Variants in CLNS1A observed in about 807,000 individuals in gnomAD.
The protein encoded by CLNS1A is chloride nucleotide-sensitive channel 1A, also known as methylosome subunit pICln.
Under a neutral mutation model 29.4 loss-of-function variants are expected in CLNS1A, and 16 were observed. That is an observed-to-expected ratio of 0.54 (90% CI 0.37 to 0.83). The LOEUF (loss-of-function observed/expected upper bound fraction) is 0.83, where lower values mean the gene tolerates loss of function less well. Among genes scored for constraint, CLNS1A ranks in the 40% least tolerant of loss-of-function variants. CLNS1A has a pLI of 0.00. For synonymous variants in CLNS1A, 96 were observed against 104.8 expected (o/e 0.92, Z 0.51); for missense variants, 235 against 287.4 (o/e 0.82, Z 1.32).
rs1419319399 is a variant in CLNS1A, at chr11:77,622,201, G to C, written c.646+299C>G. Among the ~76,000 whole-genome samples, 2 of 152,102 alleles carry C rather than the reference G, an allele frequency of 1.3e-5. 1 individual carries two copies. Among genetic ancestry groups the C allele is most frequent in the Non-Finnish European group, 2.9e-5 (2 of 68,028 alleles). On this transcript the variant is annotated intron_variant, in intron 5 of 6. Coordinates refer to ENST00000525428, the MANE Select transcript of CLNS1A (RefSeq NM_001293.3). ...AGCAAACTAATACACAGATGCAACAGTAAATTAATAGTGGATATCTCTCAG... is the reference window on the plus strand; with the variant it reads ...AGCAAACTAATACACAGATGCAACACTAAATTAATAGTGGATATCTCTCAG...
chr11:77,621,811 T>C (rs1424251437), intron 5 of CLNS1A: 4 of 369,972 alleles, frequency 1.1e-5, no homozygotes, highest in African/African-American at 2.1e-5. Context: ...TTACCCTGCA[T>C]AGTGTGGTGG....
intron 1 of CLNS1A, among the ~76,000 whole-genome samples, chr11:77,635,712 T>C (rs1959118105): frequency 6.6e-6 from 1 of 152,186 alleles, no homozygotes; most frequent in African/African-American, 2.4e-5. Context: ...AAAGGAGTTA[T>C]AATACTGAAA....
intron 6 of CLNS1A, among the ~76,000 whole-genome samples, chr11:77,617,031 T>G (rs919153240): frequency 6.6e-6 from 1 of 152,224 alleles, no homozygotes; most frequent in African/African-American, 2.4e-5. Context: ...TAATTATTTA[T>G]TCCTTATTCA....
chr11:77,632,831 T>G (rs900110260), intron 1 of CLNS1A, among the ~76,000 whole-genome samples: 3 of 152,082 alleles, frequency 2.0e-5, no homozygotes, highest in African/African-American at 7.2e-5. Flanking sequence ...AGGCCTATAA[T>G]TTTGGGAGCA....
chr11:77,617,360 T>C (rs1371313139), intron 6 of CLNS1A, among the ~76,000 whole-genome samples: 6 of 71,514 alleles, frequency 8.4e-5, no homozygotes, highest in Admixed American at 2.0e-4. Flanking sequence ...AGAGCGAAAC[T>C]CCATCTCAAA....
At chr11:77,623,412 A>G (rs142844912) in intron 4 of CLNS1A, among the ~76,000 whole-genome samples, 138 of 152,014 alleles carry the variant, frequency 9.1e-4, no homozygotes, top group African/African-American at 3.2e-3. Flanking sequence ...CAACATAGTA[A>G]GACTTCATCT....
At chr11:77,632,130 G>A (rs1959080765) in intron 1 of CLNS1A, among the ~76,000 whole-genome samples, 1 of 152,196 alleles carries the variant, frequency 6.6e-6, no homozygotes, top group African/African-American at 2.4e-5. Context: ...AAGAAACATT[G>A]TATTATGTAA....
Position 77,614,890 on chromosome 11 carries a change from G to A in CLNS1A, c.*1828C>T, listed in dbSNP as rs1396810327. The A allele has an allele frequency of 6.6e-6, 1 of 152,138 alleles. No homozygotes were observed. Among genetic ancestry groups the A allele is most frequent in the Non-Finnish European group, 1.5e-5 (1 of 68,030 alleles). The allele number at this position is 152,138 out of a possible 1,614,324, so 9.4% of individuals were successfully genotyped here. A position where few individuals can be genotyped will look rare whatever the true frequency, so the allele number is the denominator to read the frequency against. Reference sequence around the variant, plus strand: ...TATAAATTTTATCTTTTAAAAGCCTGACCTGCTCTTTTTTCTCAGCTTCTA... The same window carrying A: ...TATAAATTTTATCTTTTAAAAGCCTAACCTGCTCTTTTTTCTCAGCTTCTA... On this transcript the variant is annotated 3_prime_UTR_variant, in exon 7 of 7. Transcript: ENST00000525428.
At position 77,629,820 on chromosome 11, in the gene CLNS1A, C is replaced by G; in HGVS notation, c.205G>C (p.Asp69His). The G allele has an allele frequency of 6.2e-7, 1 of 1,613,798 alleles. No homozygotes were observed. The highest frequency in any genetic ancestry group is 8.5e-7 in the Non-Finnish European group (1 of 1,179,886). Residue 69 changes from aspartate to histidine, a missense_variant, in exon 2 of 7, where the codon GAC (aspartate) becomes CAC (histidine). Physicochemically the swap from Asp to His is moderately conservative, Grantham distance 81. Transcript: ENST00000525428. ...TGCTCTCCTAGACAGTCACTTCGGT[C>G]CCTGGATAATGCATGTAAACTAATG... ...PTISLHALSR[D>H]RSDCLGEHLY...
chr11:77,629,637 G>A (rs557579610), intron 2 of CLNS1A, 126 bp downstream of exon 2: 37 of 768,782 alleles, frequency 4.8e-5, no homozygotes, highest in South Asian at 1.6e-4. Context: ...CTTGTGATCC[G>A]CCCGCCTCGG....
chr11:77,621,718 A>C (rs962774441), intron 5 of CLNS1A: 3 of 264,206 alleles, frequency 1.1e-5, no homozygotes, highest in African/African-American at 6.6e-5. Flanking sequence ...ATAGTTGGTC[A>C]AACATTATTC....
chr11:77,617,261 G>A (rs527516423), intron 6 of CLNS1A, among the ~76,000 whole-genome samples: 9 of 151,586 alleles, frequency 5.9e-5, no homozygotes, highest in Admixed American at 2.6e-4. Flanking sequence ...CCAGCTACTC[G>A]GGAGGATGAG....
chr11:77,627,240 T>C (rs1959029326), intron 2 of CLNS1A, among the ~76,000 whole-genome samples: 1 of 150,316 alleles, frequency 6.7e-6, no homozygotes, highest in African/African-American at 2.4e-5. Flanking sequence ...GAGAGCATCC[T>C]GGCCAACACA....
At chr11:77,625,624 G>A (rs1435034572) in intron 3 of CLNS1A, 93 bp downstream of exon 3, 56 of 1,057,150 alleles carry the variant, frequency 5.3e-5, no homozygotes, top group Non-Finnish European at 7.2e-5. Flanking sequence ...GGTGGTAAAG[G>A]TGAGAGGTGT....
At position 77,616,498 on chromosome 11, in the gene CLNS1A, C is replaced by A. The variant is rs1958906833; in HGVS notation, c.*220G>T. ...GGGTAAATAGTAAACTACAAATACC[C>A]TCTTGGTTAAGTTAATTCATCAAGT... On this transcript the variant is annotated 3_prime_UTR_variant, in exon 7 of 7. Coordinates refer to ENST00000525428, the MANE Select transcript of CLNS1A (RefSeq NM_001293.3). 6.6e-6 allele frequency: 1 copy of A among 152,618 alleles called. No individual in the cohort carries two copies. Among genetic ancestry groups the A allele is most frequent in the South Asian group, 2.1e-4 (1 of 4,826 alleles). The allele number at this position is 152,618 out of a possible 1,614,324, so 9.5% of individuals were successfully genotyped here.
At chr11:77,622,140 C>T (rs1163538714) in intron 5 of CLNS1A, 1 of 454,330 alleles carries the variant, frequency 2.2e-6, no homozygotes, top group African/African-American at 2.0e-5. Flanking sequence ...TTGTTTGAGC[C>T]ACCCAGCCTG....
chr11:77,620,193 G>A (rs1033936352), intron 5 of CLNS1A, among the ~76,000 whole-genome samples: 2 of 152,158 alleles, frequency 1.3e-5, no homozygotes, highest in African/African-American at 2.4e-5. Flanking sequence ...GAATTCCCAC[G>A]TGTTGTGGGA....
At chr11:77,625,187 T>C in intron 3 of CLNS1A, 117 bp from the exon 4 acceptor site, 1 of 676,702 alleles carries the variant, frequency 1.5e-6, no homozygotes, top group Non-Finnish European at 2.6e-6. Context: ...TGCCAAATTG[T>C]AAGATCAATC....
At chr11:77,618,269 A>G (rs1333396402) in intron 6 of CLNS1A, among the ~76,000 whole-genome samples, 2 of 152,248 alleles carry the variant, frequency 1.3e-5, no homozygotes, top group Non-Finnish European at 2.9e-5. Context: ...CTGAACTGAA[A>G]AAATTAATAT....
Sources: gnomAD v4.1 joint callset for allele counts (sites outside exome capture counted in the v4.1 genomes callset) on GRCh38, gnomAD v4.1.1 for gene constraint, MANE v1.5 for transcripts, NCBI Gene and HGNC (gene_info 2026-07-23, HGNC 2026-07-21) for gene names.